Variants in MS4A4E observed in about 807,000 individuals in gnomAD.
MS4A4E encodes the protein membrane spanning 4-domains A4E, also known as putative membrane-spanning 4-domains subfamily A member 4E.
In MS4A4E, 23 loss-of-function variants were observed where a neutral mutation model predicts 13.3. That is an observed-to-expected ratio of 1.73 (90% CI 1.25 to 2.45). The LOEUF is 2.45. Among genes scored for constraint, MS4A4E ranks in the 30% most tolerant of loss-of-function variants. The pLI, the probability that MS4A4E is intolerant of heterozygous loss-of-function variation, is 0.00. For synonymous variants in MS4A4E, 36 were observed against 45.6 expected (o/e 0.79, Z 0.85); for missense variants, 144 against 131.2 (o/e 1.10, Z -0.48).
chr11:60,235,719 G>A (rs1348168522), intron 1 of MS4A4E, among the ~76,000 whole-genome samples: 1 of 152,158 alleles, frequency 6.6e-6, no homozygotes, highest in Non-Finnish European at 1.5e-5. Context: ...AAGCCCAGAG[G>A]AGGACAATTC....
At chr11:60,241,021 A>C (rs2084542252) in intron 1 of MS4A4E, among the ~76,000 whole-genome samples, 1 of 151,720 alleles carries the variant, frequency 6.6e-6, no homozygotes, top group South Asian at 2.1e-4. Context: ...TTATTTATTT[A>C]TTTACTTATT....
intron 4 of MS4A4E, among the ~76,000 whole-genome samples, 156 bp downstream of exon 4, chr11:60,214,415 C>A (rs886301691): frequency 1.3e-5 from 2 of 152,118 alleles, no homozygotes; most frequent in Non-Finnish European, 2.9e-5. Context: ...CTATCATTAG[C>A]CTTATCGTAA....
chr11:60,205,277 G>A (rs528326290), intron 7 of MS4A4E, among the ~76,000 whole-genome samples: 4 of 152,082 alleles, frequency 2.6e-5, no homozygotes, highest in Non-Finnish European at 5.9e-5. Flanking sequence ...TGTTTTGATT[G>A]TTTTATGTTA....
intron 3 of MS4A4E, 63 bp from the exon 4 acceptor site, chr11:60,214,677 G>A: frequency 9.2e-7 from 1 of 1,086,048 alleles, no homozygotes; most frequent in Admixed American, 2.5e-5. Flanking sequence ...ACAAGTATTG[G>A]AAATCACAAC....
chr11:60,235,091 A>AGT (rs1345575894), intron 1 of MS4A4E, among the ~76,000 whole-genome samples: 9 of 152,224 alleles, frequency 5.9e-5, no homozygotes, highest in Non-Finnish European at 1.2e-4. Context: ...TTGAGCATAC[A>AGT]GTGTAGGTAA....
At chr11:60,219,810 T>C (rs913933607) in intron 3 of MS4A4E, among the ~76,000 whole-genome samples, 2 of 152,242 alleles carry the variant, frequency 1.3e-5, no homozygotes, top group Non-Finnish European at 2.9e-5. Flanking sequence ...CTGACATTGA[T>C]TCCAGGGGAC....
chr11:60,217,412 CT>C (rs377765574), intron 3 of MS4A4E, among the ~76,000 whole-genome samples: 2 of 148,682 alleles, frequency 1.3e-5, no homozygotes, highest in African/African-American at 5.0e-5. Flanking sequence ...TCTCAGGAGC[CT>C]TTTTTTTGCC....
intron 1 of MS4A4E, among the ~76,000 whole-genome samples, chr11:60,232,545 G>A (rs1367249687): frequency 1.3e-5 from 2 of 152,144 alleles, no homozygotes; most frequent in Non-Finnish European, 2.9e-5. Context: ...CAGGATCCCA[G>A]CAGCTCCCAT....
intron 3 of MS4A4E, among the ~76,000 whole-genome samples, chr11:60,222,714 T>C (rs2084285512): frequency 6.6e-6 from 1 of 152,114 alleles, no homozygotes; most frequent in Non-Finnish European, 1.5e-5. Context: ...GAAGGAACGT[T>C]GCCACCGGGA....
intron 1 of MS4A4E, among the ~76,000 whole-genome samples, chr11:60,241,135 T>C (rs1300627023): frequency 6.6e-6 from 1 of 152,198 alleles, no homozygotes; most frequent in Non-Finnish European, 1.5e-5. Context: ...GCCATTCTCC[T>C]GCCTCAGCCT....
chr11:60,228,689 T>A, intron 2 of MS4A4E, 62 bp from the exon 3 acceptor site: 1 of 687,042 alleles, frequency 1.5e-6, no homozygotes, highest in South Asian at 1.6e-5. Context: ...GCCATCAAGA[T>A]GTCCTTCTGT....
chr11:60,239,484 G>A (rs1042690304), intron 1 of MS4A4E, among the ~76,000 whole-genome samples: 3 of 152,112 alleles, frequency 2.0e-5, no homozygotes, highest in Admixed American at 6.5e-5. Flanking sequence ...CCTGTCTTGG[G>A]GGAAGTGAAA....
intron 1 of MS4A4E, among the ~76,000 whole-genome samples, chr11:60,232,334 AAAC>A (rs1242124688): frequency 1.1e-5 from 1 of 87,930 alleles, no homozygotes; most frequent in Non-Finnish European, 2.5e-5. Flanking sequence ...AAAAATGAAT[AAAC>A]AACTACATTC....
chr11:60,241,074 C>A (rs11230208), intron 1 of MS4A4E, among the ~76,000 whole-genome samples: 16,232 of 152,072 alleles, frequency 0.11, 1,312 homozygotes, highest in African/African-American at 0.22. Context: ...CCCAGGCTGG[C>A]GTGCAGTGGT....
chr11:60,228,958 G>T (rs2084375707), intron 2 of MS4A4E, among the ~76,000 whole-genome samples: 1 of 152,212 alleles, frequency 6.6e-6, no homozygotes, highest in African/African-American at 2.4e-5. Context: ...TATAAAGGTA[G>T]ATTCATATCA....
At chr11:60,222,500 C>T (rs1231272485) in intron 3 of MS4A4E, among the ~76,000 whole-genome samples, 1 of 152,162 alleles carries the variant, frequency 6.6e-6, no homozygotes, top group East Asian at 1.9e-4. Context: ...GGGCAATGTT[C>T]TCCAGAAGGC....
At chr11:60,237,465 C>T (rs932440225) in intron 1 of MS4A4E, among the ~76,000 whole-genome samples, 76 of 152,196 alleles carry the variant, frequency 5.0e-4, no homozygotes, top group African/African-American at 1.6e-3. Context: ...TATATACCCA[C>T]GGTGGGATTG....
intron 6 of MS4A4E, among the ~76,000 whole-genome samples, chr11:60,208,160 G>C (rs780986262): frequency 4.4e-4 from 67 of 152,044 alleles, no homozygotes; most frequent in Non-Finnish European, 8.7e-4. Context: ...GTATAAGATG[G>C]GATACAAGTC....
At chr11:60,232,605 T>C (rs585540) in intron 1 of MS4A4E, among the ~76,000 whole-genome samples, 138,831 of 152,138 alleles carry the variant, frequency 0.91, 63,475 homozygotes, top group Non-Finnish European at 0.94. Flanking sequence ...ATAGAGTCTT[T>C]ACAGGCTCTG....
Sources: allele counts gnomAD v4.1 joint callset (sites outside exome capture counted in the v4.1 genomes callset), GRCh38; gene constraint gnomAD v4.1.1; transcripts MANE v1.5; gene names NCBI Gene and HGNC (gene_info 2026-07-23, HGNC 2026-07-21).